Variants in BOP1 observed in about 807,000 individuals in gnomAD.
BOP1 encodes ribosome biogenesis protein BOP1.
A neutral mutation model predicts 82.9 loss-of-function variants in BOP1; 54 were observed. The ratio of observed to expected loss-of-function variants is 0.65; its 90% CI spans 0.52 to 0.82. The LOEUF (loss-of-function observed/expected upper bound fraction) is 0.82, where lower values mean the gene tolerates loss of function less well. BOP1 is among the 40% of genes least tolerant of loss of function. BOP1 has a pLI of 0.00. For synonymous variants in BOP1, 566 were observed against 451.1 expected (o/e 1.25, Z -3.23); for missense variants, 1,170 against 1,072.0 (o/e 1.09, Z -1.28).
intron 3 of BOP1, chr8:144,266,579 C>T (rs1364905173): frequency 3.9e-6 from 4 of 1,038,196 alleles, no homozygotes; most frequent in Non-Finnish European, 4.6e-6. Context: ...ATGAGCAGCG[C>T]GCGACAGAGC....
At chr8:144,274,737 G>A (rs1021953609) in intron 3 of BOP1, among the ~76,000 whole-genome samples, 2 of 152,232 alleles carry the variant, frequency 1.3e-5, no homozygotes, top group African/African-American at 2.4e-5. Flanking sequence ...CCCGGCAGGC[G>A]GCGGTGGCAC....
chr8:144,274,465 C>T (rs1321472247), intron 3 of BOP1, among the ~76,000 whole-genome samples: 1 of 152,198 alleles, frequency 6.6e-6, no homozygotes, highest in Non-Finnish European at 1.5e-5. Context: ...CTAGGGCCAC[C>T]CCACTTTGCT....
chr8:144,287,221 G>A (rs191932176), intron 2 of BOP1, among the ~76,000 whole-genome samples: 1 of 152,104 alleles, frequency 6.6e-6, no homozygotes, highest in East Asian at 1.9e-4. Context: ...TGTTAGCCAG[G>A]CTGGTCTTGA....
chr8:144,268,214 C>A lies in BOP1; in HGVS notation c.391-3143G>T, dbSNP rs1845425717. 1.9e-6 allele frequency: 3 copies of A among 1,544,198 alleles called. No individual in the cohort carries two copies. In the African/African-American group the frequency reaches 4.1e-5, roughly 21 times the overall value. ...GACGCCCGGGGTGACTGCAGACAGC[C>A]CCCACCTTGGACCTGAGCTGGGCAA... On this transcript the variant is annotated intron_variant, in intron 3 of 15. Coordinates refer to ENST00000569669, the MANE Select transcript of BOP1 (RefSeq NM_015201.5).
chr8:144,280,939 G>GGTCTTAGGCCTTCTCTCAC (rs1845659841), intron 2 of BOP1, among the ~76,000 whole-genome samples: 1 of 100,688 alleles, frequency 9.9e-6, no homozygotes, highest in African/African-American at 4.6e-5. Flanking sequence ...CCTTCTCTCA[G>GGTCTTAGGCCTTCTCTCAC]TTTAATACCA....
intron 2 of BOP1, among the ~76,000 whole-genome samples, chr8:144,284,681 G>A (rs1229933709): frequency 3.9e-5 from 6 of 152,200 alleles, no homozygotes; most frequent in Non-Finnish European, 8.8e-5. Flanking sequence ...TAGGAGACTC[G>A]TTCCCTGGCA....
chr8:144,278,233 G>A (rs587766460), intron 2 of BOP1, among the ~76,000 whole-genome samples: 249 of 152,386 alleles, frequency 1.6e-3, no homozygotes, highest in African/African-American at 5.1e-3. Context: ...GAGGGGGAGC[G>A]CAAGGACGAG....
chr8:144,287,857 C>A (rs576734980), intron 2 of BOP1, among the ~76,000 whole-genome samples: 1 of 152,184 alleles, frequency 6.6e-6, no homozygotes, highest in Admixed American at 6.5e-5. Flanking sequence ...ACACAATGAA[C>A]AAGCCATGGT....
At chr8:144,286,713 ACT>A (rs1482901278) in intron 2 of BOP1, among the ~76,000 whole-genome samples, 6 of 152,222 alleles carry the variant, frequency 3.9e-5, no homozygotes, top group African/African-American at 1.4e-4. Context: ...AGCGTGGGGA[ACT>A]CTGAGGACCG....
chr8:144,262,135 A>G lies in BOP1; in HGVS notation c.*29T>C. 6.2e-7 allele frequency: 1 copy of G among 1,611,158 alleles called. No individual in the cohort carries two copies. The highest frequency in any genetic ancestry group is 2.2e-5 in the East Asian group (1 of 44,856). On this transcript the variant is annotated 3_prime_UTR_variant, in exon 16 of 16. Transcript: ENST00000569669. Reference sequence around the variant, plus strand: ...TAAAGGCTCTGTTGACTTCAGCACGACCACCCCAGCCCCAGGCAGGCAGAA... The same window carrying G: ...TAAAGGCTCTGTTGACTTCAGCACGGCCACCCCAGCCCCAGGCAGGCAGAA...
intron 3 of BOP1, among the ~76,000 whole-genome samples, chr8:144,273,130 G>A (rs1352358260): frequency 6.6e-6 from 1 of 152,180 alleles, no homozygotes; most frequent in African/African-American, 2.4e-5. Flanking sequence ...GCCGCCAGCA[G>A]CGACGCAAGC....
intron 2 of BOP1, among the ~76,000 whole-genome samples, chr8:144,284,365 A>T (rs1554839236): frequency 1.3e-5 from 2 of 152,188 alleles, no homozygotes; most frequent in African/African-American, 4.8e-5. Context: ...AATGGTGTGC[A>T]CATGTGAGAA....
At chr8:144,285,321 T>C (rs1185326894) in intron 2 of BOP1, among the ~76,000 whole-genome samples, 1 of 152,110 alleles carries the variant, frequency 6.6e-6, no homozygotes, top group Non-Finnish European at 1.5e-5. Flanking sequence ...CCCGCCACTG[T>C]TCCAGTCTGA....
At chr8:144,282,460 G>C (rs1238418361) in intron 2 of BOP1, among the ~76,000 whole-genome samples, 2 of 152,130 alleles carry the variant, frequency 1.3e-5, no homozygotes, top group African/African-American at 4.8e-5. Context: ...CCTGGGGTGA[G>C]GCTGGCCCAC....
At position 144,264,451 on chromosome 8, in the gene BOP1, C is replaced by G; in HGVS notation, c.766-14G>C. The G allele has an allele frequency of 1.9e-6, 3 of 1,605,460 alleles. No homozygotes were observed. Among genetic ancestry groups the G allele is most frequent in the Non-Finnish European group, 2.5e-6 (3 of 1,179,608 alleles). On this transcript the variant is annotated splice_polypyrimidine_tract_variant and intron_variant, in intron 6 of 15. Coordinates refer to ENST00000569669, the MANE Select transcript of BOP1 (RefSeq NM_015201.5). Reference sequence around the variant, plus strand: ...CATGCGAGAGACCTGCATAGACAGCCGGGTCAGGACGGGCAGTGCGGGGCG... The same window carrying G: ...CATGCGAGAGACCTGCATAGACAGCGGGGTCAGGACGGGCAGTGCGGGGCG...
chr8:144,262,918 T>C lies in BOP1; in HGVS notation c.1829A>G (p.Gln610Arg). Residue 610 changes from glutamine (Q) to arginine (R), a missense_variant, in exon 13 of 16, where the codon CAG (glutamine) becomes CGG (arginine). By Grantham distance (43) the Gln-to-Arg change is conservative. Coordinates refer to ENST00000569669, the MANE Select transcript of BOP1 (RefSeq NM_015201.5). ...GGGCATCAGCTTCTTGGTGAGCTCC[T>C]GGCGCAGCAGGTGGTAGAGGCGGAC... ...RSVRLYHLLR[Q>R]ELTKKLMPNC... The C allele has an allele frequency of 1.3e-6, 2 of 1,545,332 alleles. No homozygotes were observed. The highest frequency in any genetic ancestry group is 1.9e-5 in the Admixed American group (1 of 52,828).
intron 2 of BOP1, among the ~76,000 whole-genome samples, chr8:144,281,049 C>G (rs1845666038): frequency 6.6e-6 from 1 of 151,032 alleles, no homozygotes; most frequent in African/African-American, 2.4e-5. Flanking sequence ...AGGTCTTAGG[C>G]CTTCTCTCAC....
In BOP1 at chr8:144,264,592, C is replaced by T. The variant is rs1452309924; in HGVS notation, c.688G>A (p.Asp230Asn). The change falls in exon 6 of 16, where the codon GAC becomes AAC. Residue 230 changes from aspartate (D) to asparagine (N), a missense_variant. Asp to Asn is a conservative substitution (Grantham distance 23, BLOSUM62 1). Transcript: ENST00000569669. ...TTGGTCACCGGGTGGATCATGACGTCCCCGCTGAAGAAGTCGACAGCCGGC... is the reference window on the plus strand; with the variant it reads ...TTGGTCACCGGGTGGATCATGACGTTCCCGCTGAAGAAGTCGACAGCCGGC... ...YEPAVDFFSG[D>N]VMIHPVTNRP... is the part of the protein sequence containing the mutation. 37 of 1,606,232 alleles carry T rather than the reference C, an allele frequency of 2.3e-5. No homozygotes were observed. The East Asian group carries it at 8.1e-4, about 35-fold the overall frequency.
At position 144,263,771 on chromosome 8, in the gene BOP1, C is replaced by CGGT. The variant is rs1845292822; in HGVS notation, c.1222-11_1222-10insACC. 26 of 1,591,176 alleles carry CGGT rather than the reference C, an allele frequency of 1.6e-5. No individual in the cohort carries two copies. Among genetic ancestry groups the CGGT allele is most frequent in the Non-Finnish European group, 2.0e-5 (24 of 1,171,028 alleles). On this transcript the variant is annotated splice_polypyrimidine_tract_variant and intron_variant, in intron 9 of 15. Transcript: ENST00000569669. The stretch of plus-strand genomic sequence containing the variant: ...TGTGGCCCCTGTAGACCTGAGGAGG[C>CGGT]GGCGGCAGTGAGGAGTCAGACTGGG...
Sources: gnomAD v4.1 joint callset for allele counts (sites outside exome capture counted in the v4.1 genomes callset) on GRCh38, gnomAD v4.1.1 for gene constraint, MANE v1.5 for transcripts, NCBI Gene and HGNC (gene_info 2026-07-23, HGNC 2026-07-21) for gene names.